Variants in MYOM1 observed in about 807,000 individuals in gnomAD.
MYOM1 encodes the protein myomesin 1, also known as myomesin-1.
A neutral mutation model predicts 205.3 loss-of-function variants in MYOM1; 164 were observed. The observed-to-expected ratio is 0.80, with a 90% CI of 0.70 to 0.91. The LOEUF is 0.91. Among genes scored for constraint, MYOM1 ranks in the 40% least tolerant of loss-of-function variants. MYOM1 has a pLI of 0.00. For missense variants in MYOM1, 2,011 were observed against 2,127.3 expected, an observed-to-expected ratio of 0.95 and a Z score of 1.08; for synonymous variants, 772 against 789.4, an observed-to-expected ratio of 0.98 and a Z score of 0.37.
At chr18:3,168,655 TATG>T (rs1378164808) in intron 9 of MYOM1, among the ~76,000 whole-genome samples, 159 bp downstream of exon 9, 12 of 152,206 alleles carry the variant, frequency 7.9e-5, no homozygotes, top group Non-Finnish European at 1.5e-5. Context: ...TCTCCACAAA[TATG>T]AAAGTGTTGC....
At chr18:3,238,767 C>A in the MYOM1 span, among the ~76,000 whole-genome samples, 1 of 152,074 alleles carries the variant, frequency 6.6e-6, no homozygotes, top group East Asian at 1.9e-4. Flanking sequence ...TCCTGAGGCT[C>A]TAGGGGAGAA....
At chr18:3,160,870 C>T (rs1478428925) in intron 10 of MYOM1, among the ~76,000 whole-genome samples, 1 of 152,158 alleles carries the variant, frequency 6.6e-6, no homozygotes, top group African/African-American at 2.4e-5. Context: ...AACGTGGAGT[C>T]TGGCCTAAAC....
intron 5 of MYOM1, among the ~76,000 whole-genome samples, chr18:3,186,822 AAG>A (rs755447593): frequency 1.4e-5 from 2 of 143,798 alleles, no homozygotes; most frequent in South Asian, 2.1e-4. Context: ...GAAAGAAAGA[AAG>A]AGAAAGAAAG....
At chr18:3,069,950 G>A (rs1024917923) in intron 37 of MYOM1, among the ~76,000 whole-genome samples, 1 of 152,142 alleles carries the variant, frequency 6.6e-6, no homozygotes, top group Non-Finnish European at 1.5e-5. Context: ...AAAATCAACC[G>A]TGATCATATT....
At chr18:3,127,305 A>ATATATATATATATATATTT (rs56880961) in intron 18 of MYOM1, among the ~76,000 whole-genome samples, 1 of 47,578 alleles carries the variant, frequency 2.1e-5, no homozygotes, top group Non-Finnish European at 3.6e-5. Context: ...ATATATATAT[A>ATATATATATATATATATTT]TTTTTTTTTT....
At chr18:3,206,112 C>G (rs924414806) in intron 2 of MYOM1, among the ~76,000 whole-genome samples, 4 of 152,146 alleles carry the variant, frequency 2.6e-5, no homozygotes, top group African/African-American at 9.7e-5. Flanking sequence ...CTGGGGTTAT[C>G]AGGGAATCCT....
chr18:3,091,667 C>T (rs528814903), intron 26 of MYOM1, among the ~76,000 whole-genome samples: 46 of 152,036 alleles, frequency 3.0e-4, no homozygotes, highest in African/African-American at 1.1e-3. Context: ...GTTTTGTTAC[C>T]CCAAGTCACA....
intron 7 of MYOM1, 24 bp from the exon 8 acceptor site, chr18:3,174,024 T>A (rs1250105362): frequency 6.2e-7 from 1 of 1,610,738 alleles, no homozygotes; most frequent in Non-Finnish European, 8.5e-7. Context: ...CAGAAACGCA[T>A]GTGAACTGCT....
At chr18:3,229,290 A>G in the MYOM1 span, among the ~76,000 whole-genome samples, 5 of 152,088 alleles carry the variant, frequency 3.3e-5, no homozygotes, top group African/African-American at 9.7e-5. Context: ...GGCCTAGGCC[A>G]TATTCTAGGA....
intron 22 of MYOM1, among the ~76,000 whole-genome samples, chr18:3,105,313 G>A (rs954123119): frequency 2.0e-5 from 3 of 152,086 alleles, no homozygotes; most frequent in African/African-American, 4.8e-5. Context: ...TGATACTTAC[G>A]GCTCTGAGTC....
chr18:3,220,022 G>A (rs2081313217), upstream of MYOM1: 1 of 152,256 alleles, frequency 6.6e-6, no homozygotes, highest in African/African-American at 2.4e-5. Context: ...GATAAATATA[G>A]CAGCAGATGG....
chr18:3,239,756 CAAAAAAAAA>C, the MYOM1 span, among the ~76,000 whole-genome samples: 30 of 42,216 alleles, frequency 7.1e-4, 1 homozygote, highest in East Asian at 4.5e-3. Flanking sequence ...CACCTTGTCT[CAAAAAAAAA>C]AAAAAAAAAA....
chr18:3,112,072 A>G (rs961825719), intron 22 of MYOM1, among the ~76,000 whole-genome samples: 1 of 152,166 alleles, frequency 6.6e-6, no homozygotes, highest in African/African-American at 2.4e-5. Context: ...GTTTTTAGGT[A>G]TGCATCAGAA....
At chr18:3,240,494 T>G in the MYOM1 span, among the ~76,000 whole-genome samples, 361 of 152,356 alleles carry the variant, frequency 2.4e-3, 12 homozygotes, top group East Asian at 0.058. Context: ...TCTGCCACCA[T>G]GTAGACATGC....
At position 3,215,112 on chromosome 18, in the gene MYOM1, C is replaced by A. The variant is rs1481921762; in HGVS notation, c.112G>T (p.Val38Phe). The A allele has an allele frequency of 6.2e-7, 1 of 1,613,536 alleles. No individual in the cohort carries two copies. The highest frequency in any genetic ancestry group is 8.5e-7 in the Non-Finnish European group (1 of 1,179,806). Residue 38 changes from valine (V) to phenylalanine (F), a missense_variant, in exon 2 of 38, where the codon GTC (valine) becomes TTC (phenylalanine). Physicochemically the swap from Val to Phe is conservative, Grantham distance 50. Coordinates refer to ENST00000356443, the MANE Select transcript of MYOM1 (RefSeq NM_003803.4). ...HYQREKKRSA[V>F]YTQGSTAYSS... Reference sequence around the variant, plus strand: ...TAGGCCGTGGAGCCCTGGGTGTAGACGGCGGAGCGTTTCTTCTCCCGCTGG... The same window carrying A: ...TAGGCCGTGGAGCCCTGGGTGTAGAAGGCGGAGCGTTTCTTCTCCCGCTGG...
At chr18:3,156,337 T>G (rs2080302485) in intron 10 of MYOM1, among the ~76,000 whole-genome samples, 1 of 152,202 alleles carries the variant, frequency 6.6e-6, no homozygotes, top group Admixed American at 6.5e-5. Context: ...CTGTAACTCT[T>G]ATGAGTTACA....
intron 19 of MYOM1, among the ~76,000 whole-genome samples, chr18:3,120,466 C>T (rs2079672446): frequency 6.6e-6 from 1 of 152,112 alleles, no homozygotes; most frequent in African/African-American, 2.4e-5. Context: ...GGAGTGGAAG[C>T]CTCAGCCCTA....
chr18:3,075,692 T>C (rs1258963685), intron 35 of MYOM1, 33 bp downstream of exon 35: 2 of 1,598,462 alleles, frequency 1.3e-6, no homozygotes, highest in East Asian at 2.2e-5. Flanking sequence ...AATTAGTGCA[T>C]GCAAGTGGCA....
At chr18:3,121,544 A>G (rs907951770) in intron 19 of MYOM1, among the ~76,000 whole-genome samples, 10 of 152,220 alleles carry the variant, frequency 6.6e-5, no homozygotes, top group Admixed American at 4.6e-4. Context: ...GAATCTATAA[A>G]ACAATAATCA....
Sources: allele counts gnomAD v4.1 joint callset (sites outside exome capture counted in the v4.1 genomes callset), GRCh38; gene constraint gnomAD v4.1.1; transcripts MANE v1.5; gene names NCBI Gene and HGNC (gene_info 2026-07-23, HGNC 2026-07-21).